GPC6: variants seen among roughly 807,000 people sequenced by gnomAD.
GPC6 encodes glypican-6.
In GPC6, 14 loss-of-function variants were observed where a neutral mutation model predicts 55.2. The observed-to-expected ratio is 0.25, with a 90% CI of 0.17 to 0.40. The LOEUF is 0.40. Ranked by LOEUF, GPC6 falls within the 10% of genes least tolerant of loss-of-function variation. GPC6 has a pLI of 1.00. For synonymous variants in GPC6, 278 were observed against 259.6 expected, an observed-to-expected ratio of 1.07 and a Z score of -0.68; for missense variants, 641 against 708.5, an observed-to-expected ratio of 0.90 and a Z score of 1.08.
At chr13:93,976,092 T>C (rs1880502641) in intron 3 of GPC6, among the ~76,000 whole-genome samples, 1 of 152,146 alleles carries the variant, frequency 6.6e-6, no homozygotes, top group African/African-American at 2.4e-5. Flanking sequence ...CCAGCACTCC[T>C]CCATTGAGCC....
At chr13:94,304,605 C>T (rs148966752) in intron 5 of GPC6, among the ~76,000 whole-genome samples, 151 of 152,268 alleles carry the variant, frequency 9.9e-4, no homozygotes, top group African/African-American at 3.5e-3. Flanking sequence ...TAAAGTTAAA[C>T]TTCATCAAAG....
intron 2 of GPC6, among the ~76,000 whole-genome samples, chr13:93,808,580 A>G (rs1261227939): frequency 6.6e-6 from 1 of 152,196 alleles, no homozygotes; most frequent in Non-Finnish European, 1.5e-5. Context: ...GTTCCTGTCA[A>G]AAAATACAAA....
At chr13:94,122,560 A>T (rs1886670195) in intron 4 of GPC6, among the ~76,000 whole-genome samples, 1 of 152,074 alleles carries the variant, frequency 6.6e-6, no homozygotes, top group African/African-American at 2.4e-5. Context: ...GTTACAGGGC[A>T]GTTTTGGCAT....
At chr13:93,858,227 A>G (rs758059879) in intron 3 of GPC6, among the ~76,000 whole-genome samples, 2 of 151,628 alleles carry the variant, frequency 1.3e-5, no homozygotes, top group East Asian at 1.9e-4. Flanking sequence ...GAGGTGGTCA[A>G]ATTAATCCCA....
At chr13:93,348,412 T>C (rs1880502838) in intron 1 of GPC6, among the ~76,000 whole-genome samples, 1 of 152,232 alleles carries the variant, frequency 6.6e-6, no homozygotes, top group African/African-American at 2.4e-5. Context: ...GGCTTCATTA[T>C]CTACATTGCA....
intron 2 of GPC6, among the ~76,000 whole-genome samples, chr13:93,744,091 G>C (rs1443368284): frequency 6.6e-6 from 1 of 152,068 alleles, no homozygotes; most frequent in Non-Finnish European, 1.5e-5. Flanking sequence ...CTTTTATACT[G>C]TGTTTCAGAT....
Position 93,227,235 on chromosome 13 carries a change from C to A in GPC6, c.-222C>A. The stretch of plus-strand genomic sequence containing the variant: ...CTAGAGGAGCAAGGCAGCAGCCTTC[C>A]CAGCCAGCCCTTGTTGGCTTGCCAT... On this transcript the variant is annotated 5_prime_UTR_variant, in exon 1 of 9. Transcript: ENST00000377047. This position sits in a 1 kb window ranked among gnomAD's most constrained non-coding sequence, Gnocchi z 4.3. 1 of 491,182 alleles carries A rather than the reference C, an allele frequency of 2.0e-6. No homozygotes were observed. Among genetic ancestry groups the A allele is most frequent in the Non-Finnish European group, 3.6e-6 (1 of 275,098 alleles). 30.4% of individuals were successfully genotyped at this position (491,182 alleles called of 1,614,324 possible). A position where few individuals can be genotyped will look rare whatever the true frequency, so the allele number is the denominator to read the frequency against.
chr13:94,247,086 T>G (rs1050776072), intron 4 of GPC6, among the ~76,000 whole-genome samples: 7 of 152,146 alleles, frequency 4.6e-5, no homozygotes, highest in Non-Finnish European at 5.9e-5. Context: ...TTGGTTAAAC[T>G]TATTCCTAAG....
At chr13:93,596,642 A>T (rs1877750458) in intron 2 of GPC6, among the ~76,000 whole-genome samples, 1 of 147,542 alleles carries the variant, frequency 6.8e-6, no homozygotes, top group African/African-American at 2.5e-5. Context: ...TATAATGTAT[A>T]TGTGTGTATA....
At chr13:93,314,463 A>C (rs1182497829) in intron 1 of GPC6, among the ~76,000 whole-genome samples, 2 of 152,148 alleles carry the variant, frequency 1.3e-5, no homozygotes, top group Admixed American at 1.3e-4. Context: ...TAAAGTTAAT[A>C]TCTTATACTC....
chr13:93,685,891 T>C (rs1566486590), intron 2 of GPC6, among the ~76,000 whole-genome samples: 2 of 152,158 alleles, frequency 1.3e-5, no homozygotes, highest in Non-Finnish European at 2.9e-5. Context: ...ATTTTTCAGA[T>C]TATGAATTTT....
chr13:93,953,448 T>C (rs1879358227), intron 3 of GPC6, among the ~76,000 whole-genome samples: 1 of 152,216 alleles, frequency 6.6e-6, no homozygotes, highest in South Asian at 2.1e-4. Flanking sequence ...GTTCTTTGTG[T>C]AGAATTGCCT....
intron 1 of GPC6, among the ~76,000 whole-genome samples, chr13:93,238,348 G>A (rs977390587): frequency 6.6e-6 from 1 of 152,040 alleles, no homozygotes; most frequent in South Asian, 2.1e-4. Flanking sequence ...TATTGTAAAT[G>A]GGATGGAATT....
intron 1 of GPC6, among the ~76,000 whole-genome samples, chr13:93,488,590 T>G (rs1280162151): frequency 1.3e-5 from 2 of 152,174 alleles, no homozygotes; most frequent in Non-Finnish European, 2.9e-5. Context: ...CCACCAACAG[T>G]GTAAGAGTGT....
intron 4 of GPC6, among the ~76,000 whole-genome samples, chr13:94,138,446 C>G (rs556811890): frequency 7.4e-4 from 112 of 152,240 alleles, no homozygotes; most frequent in African/African-American, 2.6e-3. Context: ...ACTTATGATG[C>G]TTCATAAATT....
chr13:93,729,056 T>G (rs547658370), intron 2 of GPC6, among the ~76,000 whole-genome samples: 1 of 152,280 alleles, frequency 6.6e-6, no homozygotes, highest in South Asian at 2.1e-4. Context: ...ATAAAAATAA[T>G]AAATCCTTAA....
At chr13:93,644,102 G>A (rs1880073752) in intron 2 of GPC6, among the ~76,000 whole-genome samples, 1 of 152,020 alleles carries the variant, frequency 6.6e-6, no homozygotes, top group South Asian at 2.1e-4. Context: ...TCTTGTACAT[G>A]TTCCCATTGA....
At chr13:94,221,532 G>A (rs1359622826) in intron 4 of GPC6, among the ~76,000 whole-genome samples, 1 of 152,058 alleles carries the variant, frequency 6.6e-6, no homozygotes, top group Non-Finnish European at 1.5e-5. Context: ...TTAAGGGTTA[G>A]CGCACTCACA....
chr13:94,099,225 A>G (rs1885769296), intron 4 of GPC6, among the ~76,000 whole-genome samples: 1 of 152,164 alleles, frequency 6.6e-6, no homozygotes, highest in East Asian at 1.9e-4. Flanking sequence ...GAATCATTGG[A>G]CGTTCTTGTT....
Sources: allele counts gnomAD v4.1 joint callset (sites outside exome capture counted in the v4.1 genomes callset), GRCh38; gene constraint gnomAD v4.1.1; non-coding constraint Gnocchi (gnomAD v3.1); transcripts MANE v1.5; gene names NCBI Gene and HGNC (gene_info 2026-07-23, HGNC 2026-07-21).